RTL4: variants seen among roughly 807,000 people sequenced by gnomAD.
The protein encoded by RTL4 is retrotransposon Gag like 4.
In RTL4, 4 loss-of-function variants were observed where a neutral mutation model predicts 5.3. The ratio of observed to expected loss-of-function variants is 0.75; its 90% CI spans 0.37 to 1.72. The LOEUF (loss-of-function observed/expected upper bound fraction) is 1.72, where lower values mean the gene tolerates loss of function less well. RTL4 is among the 40% of genes most tolerant of loss of function. The probability of loss-of-function intolerance (pLI) is 0.04; values close to 1 mark genes in which losing one functional copy is unlikely to be tolerated. For missense variants in RTL4, 260 were observed against 227.1 expected, an observed-to-expected ratio of 1.14 and a Z score of -0.93; for synonymous variants, 98 against 87.3, an observed-to-expected ratio of 1.12 and a Z score of -0.68.
At chrX:112,254,672 G>GC in the RTL4 span, among the ~76,000 whole-genome samples, 1 of 74,721 alleles carries the variant, frequency 1.3e-5, no homozygotes, top group African/African-American at 6.2e-5. Context: ...GAACAGGGGC[G>GC]GGGGGCATTA....
chrX:112,349,240 T>C, the RTL4 span, among the ~76,000 whole-genome samples: 2 of 111,568 alleles, frequency 1.8e-5, no homozygotes, highest in East Asian at 5.7e-4. Flanking sequence ...ACAGAATGAG[T>C]GTGACTTTGT....
the RTL4 span, among the ~76,000 whole-genome samples, chrX:112,301,697 T>A: frequency 2.5e-4 from 28 of 110,808 alleles, no homozygotes; most frequent in Non-Finnish European, 4.2e-4. Flanking sequence ...GCTCAGTGAC[T>A]CACACCAGTA....
the RTL4 span, among the ~76,000 whole-genome samples, chrX:112,126,195 CA>C: frequency 8.9e-6 from 1 of 111,739 alleles, no homozygotes; most frequent in Non-Finnish European, 1.9e-5. Context: ...CTGGTCCTCA[CA>C]CATATTTGCA....
At chrX:112,189,435 A>G in the RTL4 span, among the ~76,000 whole-genome samples, 1 of 112,065 alleles carries the variant, frequency 8.9e-6, no homozygotes, top group Admixed American at 9.5e-5. Context: ...TATTGTTGCA[A>G]GCATAAACAT....
chrX:112,431,731 T>C, the RTL4 span, among the ~76,000 whole-genome samples: 4 of 110,938 alleles, frequency 3.6e-5, no homozygotes, highest in African/African-American at 3.3e-5. Context: ...TCTTTTTTTT[T>C]ATTTTATTAT....
At chrX:112,189,690 G>T in the RTL4 span, among the ~76,000 whole-genome samples, 1 of 110,798 alleles carries the variant, frequency 9.0e-6, no homozygotes, top group East Asian at 2.8e-4. Flanking sequence ...CTTGAACCCA[G>T]GAGGCAGAGG....
At chrX:112,407,895 C>T in the RTL4 span, among the ~76,000 whole-genome samples, 1 of 112,456 alleles carries the variant, frequency 8.9e-6, no homozygotes, top group East Asian at 2.8e-4. Flanking sequence ...TTTGTCCGAG[C>T]ATGAAAGCAG....
At chrX:112,173,602 TA>T in the RTL4 span, among the ~76,000 whole-genome samples, 2 of 110,776 alleles carry the variant, frequency 1.8e-5, no homozygotes, top group Non-Finnish European at 3.8e-5. Context: ...AGATTTCAGT[TA>T]AAAAAAGAGT....
the RTL4 span, among the ~76,000 whole-genome samples, chrX:112,393,336 G>T: frequency 1.8e-5 from 2 of 109,702 alleles, no homozygotes; most frequent in Non-Finnish European, 3.8e-5. Context: ...TCATAGAGCA[G>T]CTGTGTTGTG....
chrX:112,154,786 G>A, the RTL4 span, among the ~76,000 whole-genome samples: 14 of 111,534 alleles, frequency 1.3e-4, no homozygotes, highest in Non-Finnish European at 2.3e-4. Context: ...AAAGATGAGA[G>A]ATTAGGACCT....
At chrX:112,115,349 G>A in the RTL4 span, among the ~76,000 whole-genome samples, 3 of 111,215 alleles carry the variant, frequency 2.7e-5, no homozygotes, top group African/African-American at 9.8e-5. Context: ...GGCCCTTACC[G>A]ACATATTCTC....
chrX:112,226,961 TAA>T, the RTL4 span, among the ~76,000 whole-genome samples: 3 of 58,627 alleles, frequency 5.1e-5, no homozygotes, highest in African/African-American at 1.0e-4. Context: ...TAAAATAAAA[TAA>T]AATAAAATAA....
chrX:112,290,312 T>G, the RTL4 span, among the ~76,000 whole-genome samples: 1 of 111,683 alleles, frequency 9.0e-6, no homozygotes, highest in East Asian at 2.8e-4. Flanking sequence ...AAGGAAGCCA[T>G]CAGCACAGGG....
At chrX:112,360,914 C>G in the RTL4 span, among the ~76,000 whole-genome samples, 1 of 110,158 alleles carries the variant, frequency 9.1e-6, no homozygotes, top group East Asian at 2.9e-4. Flanking sequence ...TATTTATGGC[C>G]TAGGGAGGCA....
At chrX:112,381,416 A>G in the RTL4 span, 1 of 1,208,730 alleles carries the variant, frequency 8.3e-7, no homozygotes, top group South Asian at 1.8e-5. Context: ...CAAGCATATA[A>G]AACAAGCTCA....
the RTL4 span, among the ~76,000 whole-genome samples, chrX:112,086,134 TC>T: frequency 2.5e-4 from 28 of 112,211 alleles, no homozygotes; most frequent in South Asian, 5.3e-3. Flanking sequence ...TTCCTATTTG[TC>T]CCCAAACAGT....
the RTL4 span, among the ~76,000 whole-genome samples, chrX:112,085,535 A>G: frequency 1.8e-5 from 2 of 111,549 alleles, no homozygotes; most frequent in Middle Eastern, 4.6e-3. Flanking sequence ...GATGCTATTG[A>G]TATTTTAGGC....
chrX:112,112,999 CT>C, the RTL4 span, among the ~76,000 whole-genome samples: 7 of 111,697 alleles, frequency 6.3e-5, no homozygotes, highest in Admixed American at 6.6e-4. Context: ...AGTCTAAGAT[CT>C]TGCACTAATC....
At chrX:112,367,908 C>T in the RTL4 span, among the ~76,000 whole-genome samples, 8 of 111,714 alleles carry the variant, frequency 7.2e-5, no homozygotes, top group East Asian at 2.0e-3. Flanking sequence ...AGGAGTTCTA[C>T]GCATAGAGCA....
Sources: gnomAD v4.1 joint callset for allele counts (sites outside exome capture counted in the v4.1 genomes callset) on GRCh38, gnomAD v4.1.1 for gene constraint, MANE v1.5 for transcripts, NCBI Gene and HGNC (gene_info 2026-07-23, HGNC 2026-07-21) for gene names.